The following SLC16A7 variants were observed in gnomAD, a reference collection of about 807,000 sequenced individuals.
The protein encoded by SLC16A7 is solute carrier family 16 member 7.
In SLC16A7, 33 loss-of-function variants were observed where a neutral mutation model predicts 34.9. The observed-to-expected ratio is 0.94, with a 90% CI of 0.72 to 1.26. SLC16A7 has a LOEUF of 1.26. SLC16A7 is among the 50% of genes most tolerant of loss of function. The pLI, the probability that SLC16A7 is intolerant of heterozygous loss-of-function variation, is 0.00. For synonymous variants in SLC16A7, 201 were observed against 206.6 expected, an observed-to-expected ratio of 0.97 and a Z score of 0.23; for missense variants, 573 against 578.1, an observed-to-expected ratio of 0.99 and a Z score of 0.09.
chr12:59,740,073 C>T (rs1793063358), intron 3 of SLC16A7, among the ~76,000 whole-genome samples: 1 of 151,210 alleles, frequency 6.6e-6, no homozygotes, highest in East Asian at 1.9e-4. Flanking sequence ...TCAATTTTGG[C>T]TTTTGTTGCC....
intron 3 of SLC16A7, among the ~76,000 whole-genome samples, chr12:59,713,939 G>T (rs1186902602): frequency 6.6e-6 from 1 of 152,192 alleles, no homozygotes; most frequent in East Asian, 1.9e-4. Flanking sequence ...ATATTAAATA[G>T]CCATTTACAC....
intron 2 of SLC16A7, among the ~76,000 whole-genome samples, chr12:59,691,041 C>T (rs1203300036): frequency 6.6e-6 from 1 of 151,796 alleles, no homozygotes; most frequent in Non-Finnish European, 1.5e-5. Context: ...TTTTGTATTT[C>T]AACATTTTTG....
rs1398344187 is a variant in SLC16A7 at position 59,784,773 on chromosome 12, T to TA, written c.*5095dup. On this transcript the variant is annotated 3_prime_UTR_variant, in exon 6 of 6. Coordinates refer to ENST00000547379, the MANE Select transcript of SLC16A7 (RefSeq NM_001270623.2). ...GCACATATTTATAATTACATACACA[T>TA]ATAATTGAATATGATTTTAGAGTCT... The TA allele has an allele frequency of 6.6e-6, 1 of 152,208 alleles. No individual in the cohort carries two copies. Among genetic ancestry groups the TA allele is most frequent in the African/African-American group, 2.4e-5 (1 of 41,460 alleles). 9.4% of individuals were successfully genotyped at this position (152,208 alleles called of 1,614,324 possible).
Position 59,734,804 on chromosome 12 carries a change from A to C in SLC16A7, c.217+29786A>C, listed in dbSNP as rs544189782. Among the ~76,000 whole-genome samples, 5 of 152,378 alleles carry C rather than the reference A, an allele frequency of 3.3e-5. No homozygotes were observed. The East Asian group carries it at 9.7e-4, about 29-fold the overall frequency. On this transcript the variant is annotated intron_variant, in intron 3 of 5. Coordinates refer to ENST00000547379, the MANE Select transcript of SLC16A7 (RefSeq NM_001270623.2). ...TCATTTGTAACTAGATATTATTCAG[A>C]TGTTAAATTCAAAAAAATATAAATA...
At chr12:59,696,451 A>G (rs919844034) in intron 2 of SLC16A7, 2 of 152,032 alleles carry the variant, frequency 1.3e-5, no homozygotes, top group African/African-American at 4.8e-5. Context: ...ATCACTCTTC[A>G]AAGTTTAGTG....
intron 3 of SLC16A7, among the ~76,000 whole-genome samples, chr12:59,743,014 C>T (rs898195085): frequency 6.6e-6 from 1 of 152,136 alleles, no homozygotes; most frequent in Non-Finnish European, 1.5e-5. Context: ...ATTATTCTGA[C>T]AAAGAAGAAA....
intron 1 of SLC16A7, among the ~76,000 whole-genome samples, chr12:59,626,505 G>A (rs966365024): frequency 6.6e-6 from 1 of 151,732 alleles, no homozygotes; most frequent in African/African-American, 2.4e-5. Context: ...TTTGACAGAT[G>A]AGTACAACTG....
chr12:59,756,970 A>G (rs1346722816), intron 3 of SLC16A7, among the ~76,000 whole-genome samples: 3 of 141,070 alleles, frequency 2.1e-5, no homozygotes, highest in African/African-American at 8.2e-5. Context: ...CATGGATGAA[A>G]TTGGAAATCA....
At chr12:59,759,781 C>T (rs2706293) in intron 3 of SLC16A7, among the ~76,000 whole-genome samples, 18,930 of 151,974 alleles carry the variant, frequency 0.12, 1,561 homozygotes, top group African/African-American at 0.23. Flanking sequence ...TTTAGGATAA[C>T]TTATGCAATA....
chr12:59,694,752 C>T (rs1872082627), intron 2 of SLC16A7, among the ~76,000 whole-genome samples: 1 of 151,932 alleles, frequency 6.6e-6, no homozygotes, highest in Non-Finnish European at 1.5e-5. Flanking sequence ...AATGTTTCCA[C>T]TAAAACACTA....
chr12:59,651,089 T>G (rs1868335132), intron 1 of SLC16A7, among the ~76,000 whole-genome samples: 2 of 152,072 alleles, frequency 1.3e-5, no homozygotes, highest in African/African-American at 4.8e-5. Context: ...CAAGACAAGC[T>G]CGGTACAATT....
intron 3 of SLC16A7, among the ~76,000 whole-genome samples, chr12:59,708,569 A>C (rs1286268758): frequency 1.3e-5 from 2 of 152,188 alleles, no homozygotes; most frequent in African/African-American, 4.8e-5. Context: ...TCTCTCTAGC[A>C]AGTAGCTGAA....
chr12:59,767,117 G>T (rs182091007), intron 3 of SLC16A7, among the ~76,000 whole-genome samples: 1 of 151,364 alleles, frequency 6.6e-6, no homozygotes, highest in Non-Finnish European at 1.5e-5. Context: ...GTTTATTAGC[G>T]AGATTGCTTC....
In SLC16A7 at chr12:59,705,072, T is replaced by C. The variant is rs1873409115; in HGVS notation, c.217+54T>C. The C allele has an allele frequency of 4.8e-6, 6 of 1,251,982 alleles. No individual in the cohort carries two copies. In the South Asian group the frequency reaches 7.2e-5, roughly 15 times the overall value. The allele number at this position is 1,251,982 out of a possible 1,614,324, so 77.6% of individuals were successfully genotyped here. A position where few individuals can be genotyped will look rare whatever the true frequency, so the allele number is the denominator to read the frequency against. ...GAATTAAGAAAATAATTCCTCCATG[T>C]CACAATGTTTTACATGGAGTGTCTT... On this transcript the variant is annotated intron_variant, in intron 3 of 5. Transcript: ENST00000547379.
At chr12:59,628,777 C>T (rs1880048507) in intron 1 of SLC16A7, among the ~76,000 whole-genome samples, 2 of 151,802 alleles carry the variant, frequency 1.3e-5, no homozygotes, top group South Asian at 2.1e-4. Flanking sequence ...ATTAATGGCC[C>T]ATCTAGCCTT....
Position 59,781,022 on chromosome 12 carries a change from A to AG in SLC16A7, c.*1343_*1344insG, listed in dbSNP as rs1883208436. The stretch of plus-strand genomic sequence containing the variant: ...AGCCTTCTAGAAATAGAGGCACTGT[A>AG]TGACTTGCAATCGTAGGTATAGTTT... On this transcript the variant is annotated 3_prime_UTR_variant, in exon 6 of 6. Coordinates refer to ENST00000547379, the MANE Select transcript of SLC16A7 (RefSeq NM_001270623.2). The AG allele has an allele frequency of 2.6e-5, 4 of 152,272 alleles. No individual in the cohort carries two copies. In the South Asian group the frequency reaches 8.3e-4, roughly 32 times the overall value. 9.4% of individuals were successfully genotyped at this position (152,272 alleles called of 1,614,324 possible).
At chr12:59,642,344 G>T (rs1880722624) in intron 1 of SLC16A7, among the ~76,000 whole-genome samples, 1 of 151,836 alleles carries the variant, frequency 6.6e-6, no homozygotes, top group African/African-American at 2.4e-5. Flanking sequence ...ATTCACCCCA[G>T]GGTGGTTAGA....
chr12:59,693,028 C>T (rs1212531564), intron 2 of SLC16A7, among the ~76,000 whole-genome samples: 1 of 151,484 alleles, frequency 6.6e-6, no homozygotes, highest in African/African-American at 2.4e-5. Flanking sequence ...AGAAAATAGC[C>T]AAAAAACCAG....
intron 2 of SLC16A7, among the ~76,000 whole-genome samples, chr12:59,699,648 G>T (rs956692709): frequency 1.3e-5 from 2 of 151,544 alleles, no homozygotes; most frequent in African/African-American, 2.4e-5. Flanking sequence ...CATAGTTATG[G>T]GTTACATATA....
Sources: allele counts gnomAD v4.1 joint callset (sites outside exome capture counted in the v4.1 genomes callset), GRCh38; gene constraint gnomAD v4.1.1; transcripts MANE v1.5; gene names NCBI Gene and HGNC (gene_info 2026-07-23, HGNC 2026-07-21).